Variants in COL23A1 observed in about 807,000 individuals in gnomAD.
The protein encoded by COL23A1 is collagen type XXIII alpha 1 chain.
COL23A1 carries 97 observed loss-of-function variants against 99.3 expected under a neutral mutation model. The ratio of observed to expected loss-of-function variants is 0.98; its 90% CI spans 0.83 to 1.16. The LOEUF (loss-of-function observed/expected upper bound fraction) is 1.16. COL23A1 is among the 50% of genes most tolerant of loss of function. The pLI is 0.00. For synonymous variants in COL23A1, 320 were observed against 308.2 expected (o/e 1.04, Z -0.40); for missense variants, 762 against 757.4 (o/e 1.01, Z -0.07).
chr5:178,325,131 C>T (rs921681158), intron 2 of COL23A1, among the ~76,000 whole-genome samples: 1 of 152,172 alleles, frequency 6.6e-6, no homozygotes, highest in South Asian at 2.1e-4. Flanking sequence ...ACTTCTGTCC[C>T]CTCCAGGTCC....
chr5:178,267,341 CA>C lies in COL23A1; in HGVS notation c.496-9del, dbSNP rs749179607. On this transcript the variant is annotated splice_polypyrimidine_tract_variant and intron_variant, in intron 7 of 28. Transcript: ENST00000390654. ...AAAGTCTCCTGGTGCACCCTGGGAA[CA>C]AAAGACAGGGAGAGGCATCACCACT... 1 of 1,613,700 alleles carries C rather than the reference CA, an allele frequency of 6.2e-7. No individual in the cohort carries two copies. Among genetic ancestry groups the C allele is most frequent in the East Asian group, 2.2e-5 (1 of 44,872 alleles).
chr5:178,413,781 G>C (rs1341863756), intron 2 of COL23A1, among the ~76,000 whole-genome samples: 3 of 152,168 alleles, frequency 2.0e-5, no homozygotes, highest in Non-Finnish European at 4.4e-5. Context: ...AAAGGAAACA[G>C]CATTTATTAA....
chr5:178,299,728 T>A (rs892771609), intron 3 of COL23A1, among the ~76,000 whole-genome samples: 1 of 151,880 alleles, frequency 6.6e-6, no homozygotes, highest in Admixed American at 6.5e-5. Flanking sequence ...GTTTCTTTTA[T>A]TTTTTAATTT....
chr5:178,277,824 G>A (rs1756676631), intron 5 of COL23A1, among the ~76,000 whole-genome samples: 13 of 152,214 alleles, frequency 8.5e-5, no homozygotes, highest in Admixed American at 8.5e-4. Flanking sequence ...TGACTGGTGG[G>A]GAGAGACATG....
chr5:178,247,802 A>AG lies in COL23A1; in HGVS notation c.1241dup (p.Gly415TrpfsTer32), dbSNP rs764477048. On this transcript the variant is annotated frameshift_variant, in exon 21 of 29. Transcript: ENST00000390654. LOFTEE classifies it high-confidence loss of function. ...TCGGGCCTGGGGGGCCAGGGGGGCC[A>AG]GGGGGCCCTGGCTCCACTATGAGCT... 3.7e-6 allele frequency: 6 copies of AG among 1,613,454 alleles called. No individual in the cohort carries two copies. Among genetic ancestry groups the AG allele is most frequent in the South Asian group, 1.1e-5 (1 of 90,962 alleles).
intron 2 of COL23A1, among the ~76,000 whole-genome samples, chr5:178,375,304 C>G: frequency 6.6e-6 from 1 of 152,294 alleles, no homozygotes; most frequent in South Asian, 2.1e-4. Flanking sequence ...AGGGCATGGG[C>G]TTTCTTCCGC....
intron 2 of COL23A1, among the ~76,000 whole-genome samples, chr5:178,420,234 G>A (rs1033979445): frequency 6.6e-6 from 1 of 152,144 alleles, no homozygotes; most frequent in East Asian, 1.9e-4. Flanking sequence ...GAAATGGGGG[G>A]AATAGATGCA....
At chr5:178,358,637 T>TGTGTGTGTGTATGTGTAC (rs1491067929) in intron 2 of COL23A1, among the ~76,000 whole-genome samples, 1 of 134,648 alleles carries the variant, frequency 7.4e-6, no homozygotes, top group Admixed American at 7.2e-5. Flanking sequence ...ATGTGTCTAG[T>TGTGTGTGTGTATGTGTAC]GTGTGTGTGT....
intron 2 of COL23A1, among the ~76,000 whole-genome samples, chr5:178,533,116 A>G (rs1045384046): frequency 6.6e-6 from 1 of 152,190 alleles, no homozygotes; most frequent in African/African-American, 2.4e-5. Context: ...AGGAAAAATG[A>G]GATTGTGACT....
chr5:178,367,286 TCCA>T lies in COL23A1; in HGVS notation c.362-60370_362-60368del, dbSNP rs1762537810. Among the ~76,000 whole-genome samples the T allele has an allele frequency of 2.0e-5, 3 of 152,150 alleles. No homozygotes were observed. The East Asian group carries it at 5.8e-4, about 29-fold the overall frequency. On this transcript the variant is annotated intron_variant, in intron 2 of 28. Coordinates refer to ENST00000390654, the MANE Select transcript of COL23A1 (RefSeq NM_173465.4). ...TTTCTATCATTAAGCTGACGGGAGC[TCCA>T]CGTCTGAGAGGGGCGTTTGGCCTTG...
At chr5:178,451,508 T>C (rs181445878) in intron 2 of COL23A1, among the ~76,000 whole-genome samples, 1 of 151,778 alleles carries the variant, frequency 6.6e-6, no homozygotes, top group Non-Finnish European at 1.5e-5. Flanking sequence ...ATATAAAAAT[T>C]AGCTGGGTGT....
At chr5:178,453,605 C>G (rs1340286705) in intron 2 of COL23A1, among the ~76,000 whole-genome samples, 1 of 152,150 alleles carries the variant, frequency 6.6e-6, no homozygotes, top group Non-Finnish European at 1.5e-5. Context: ...AAGTACAGAG[C>G]TAGGAGGGTT....
intron 2 of COL23A1, among the ~76,000 whole-genome samples, chr5:178,368,386 T>C (rs1019730324): frequency 9.2e-5 from 14 of 152,138 alleles, no homozygotes; most frequent in Admixed American, 6.5e-5. Context: ...GCCTCCCCCA[T>C]GATCAGCATC....
At chr5:178,469,567 A>G (rs1228813758) in intron 2 of COL23A1, among the ~76,000 whole-genome samples, 4 of 151,950 alleles carry the variant, frequency 2.6e-5, no homozygotes, top group African/African-American at 9.7e-5. Context: ...CCCCGGGGAA[A>G]GACCACAGCT....
intron 5 of COL23A1, among the ~76,000 whole-genome samples, chr5:178,284,640 T>C (rs1757062424): frequency 6.6e-6 from 1 of 152,164 alleles, no homozygotes. Context: ...GGTGAAAAAT[T>C]GTCAATATAA....
At chr5:178,457,721 T>C (rs1205522365) in intron 2 of COL23A1, among the ~76,000 whole-genome samples, 1 of 152,222 alleles carries the variant, frequency 6.6e-6, no homozygotes, top group African/African-American at 2.4e-5. Flanking sequence ...GCTGTGATTA[T>C]CATCCTCAGA....
In COL23A1 at chr5:178,424,472, G is replaced by A. The variant is rs529918874; in HGVS notation, c.362-117553C>T. Among the ~76,000 whole-genome samples the A allele has an allele frequency of 3.1e-4, 47 of 152,264 alleles. 1 individual carries two copies. The highest frequency in any genetic ancestry group is 1.1e-3 in the African/African-American group (44 of 41,538). Reference sequence around the variant, plus strand: ...TGTCCTCTGCTCTGCTGCTGCCCCCGGACAGACAGTAAAATGTGCACATCA... The same window carrying A: ...TGTCCTCTGCTCTGCTGCTGCCCCCAGACAGACAGTAAAATGTGCACATCA... On this transcript the variant is annotated intron_variant, in intron 2 of 28. Transcript: ENST00000390654.
intron 2 of COL23A1, among the ~76,000 whole-genome samples, chr5:178,354,267 A>G (rs1761497746): frequency 1.3e-5 from 2 of 152,232 alleles, no homozygotes; most frequent in South Asian, 2.1e-4. Flanking sequence ...CTGGAGTGCA[A>G]TCGTGATCAT....
chr5:178,242,520 C>A (rs1181405774), intron 25 of COL23A1, 126 bp from the exon 26 acceptor site: 2 of 896,218 alleles, frequency 2.2e-6, no homozygotes, highest in Non-Finnish European at 3.6e-6. Context: ...GTGGCACACG[C>A]TGGCCTAGCC....
Sources: gnomAD v4.1 joint callset for allele counts (sites outside exome capture counted in the v4.1 genomes callset) on GRCh38, gnomAD v4.1.1 for gene constraint, MANE v1.5 for transcripts, NCBI Gene and HGNC (gene_info 2026-07-23, HGNC 2026-07-21) for gene names.